Variants in WDR62 observed in about 807,000 individuals in gnomAD.
The protein encoded by WDR62 is WD repeat-containing protein 62.
In WDR62, 112 loss-of-function variants were observed where a neutral mutation model predicts 160.6. That is an observed-to-expected ratio of 0.70 (90% CI 0.60 to 0.82). The LOEUF (loss-of-function observed/expected upper bound fraction) is 0.82, where lower values mean the gene tolerates loss of function less well. Among genes scored for constraint, WDR62 ranks in the 40% least tolerant of loss-of-function variants. The pLI is 0.00. For synonymous variants in WDR62, 792 were observed against 815.1 expected, an observed-to-expected ratio of 0.97 and a Z score of 0.48; for missense variants, 1,819 against 1,983.8, an observed-to-expected ratio of 0.92 and a Z score of 1.58.
chr19:36,090,372 C>A, intron 15 of WDR62, 73 bp from the exon 16 acceptor site: 1 of 1,457,322 alleles, frequency 6.9e-7, no homozygotes, highest in Non-Finnish European at 9.6e-7. Flanking sequence ...GAGGGGAGGA[C>A]AGCAAGAGCC....
At chr19:36,090,638 T>C (rs1972539009) in intron 16 of WDR62, 118 bp downstream of exon 16, 9 of 926,962 alleles carry the variant, frequency 9.7e-6, no homozygotes, top group Non-Finnish European at 1.6e-5. Flanking sequence ...CCCAGCACCT[T>C]CTCAGGCCTG....
chr19:36,065,956 AG>A lies in WDR62; in HGVS notation c.333del. ...GTGATCAGCTCTTTTCTTTATCCCC[AG>A]GAAGTCTCTCAGTGCTCTGGCCTTC... On this transcript the variant is annotated splice_acceptor_variant, in intron 3 of 31. Transcript: ENST00000401500. LOFTEE classifies it high-confidence loss of function. 6.2e-7 allele frequency: 1 copy of A among 1,614,162 alleles called. No homozygotes were observed. Among genetic ancestry groups the A allele is most frequent in the South Asian group, 1.1e-5 (1 of 91,088 alleles).
Position 36,104,770 on chromosome 19 carries a change from G to C in WDR62, c.4314G>C (p.Leu1438Phe), listed in dbSNP as rs1225196974. 1.2e-6 allele frequency: 2 copies of C among 1,613,724 alleles called. No homozygotes were observed. Among genetic ancestry groups the C allele is most frequent in the Admixed American group, 3.3e-5 (2 of 60,032 alleles). ...FQEALDLYRV[L>F]VSSGQVDTGQ... ...GACAAGGCTGGCATCCCTTGCAGTT[G>C]GTCTCCAGTGGCCAGGTGGACACCG... is the stretch of plus-strand genomic sequence containing the variant. The change falls in exon 32 of 32, where the codon TTG (leucine) becomes TTC (phenylalanine). Residue 1438 changes from leucine (L) to phenylalanine (F), a missense_variant and splice_region_variant. Leu to Phe is a conservative substitution (Grantham distance 22). This residue lies in a region of WDR62 where 770 missense variants were observed against 734.2 expected (regional missense o/e 1.05). Transcript: ENST00000401500.
At chr19:36,109,825 G>A (rs112613012), downstream of WDR62, among the ~76,000 whole-genome samples, 20,681 of 148,380 alleles carry the variant, frequency 0.14, 1,720 homozygotes, top group Middle Eastern at 0.29. Context: ...AGGCTGAGCC[G>A]GGCGGATCAC....
chr19:36,068,126 A>C (rs1030375893), intron 7 of WDR62, 116 bp downstream of exon 7: 2 of 1,260,228 alleles, frequency 1.6e-6, no homozygotes, highest in Non-Finnish European at 2.3e-6. Flanking sequence ...GTGGTGAATG[A>C]CGCCCACTCT....
chr19:36,095,393 A>G (rs1167940198), intron 20 of WDR62, among the ~76,000 whole-genome samples: 1 of 152,090 alleles, frequency 6.6e-6, no homozygotes, highest in East Asian at 1.9e-4. Context: ...TGCTGTACCC[A>G]CTTCTGAGCC....
chr19:36,085,055 G>A (rs2145733067), intron 12 of WDR62, among the ~76,000 whole-genome samples: 2 of 152,266 alleles, frequency 1.3e-5, no homozygotes, highest in Middle Eastern at 3.4e-3. Flanking sequence ...TTTTCAAAAA[G>A]TTTGAAGCCT....
intron 7 of WDR62, chr19:36,070,231 TCAC>T (rs1487541302): frequency 6.7e-6 from 1 of 149,720 alleles, no homozygotes; most frequent in Non-Finnish European, 1.5e-5. Context: ...CAATCTCAGC[TCAC>T]TACAAGTTCC....
intron 7 of WDR62, among the ~76,000 whole-genome samples, chr19:36,069,880 C>T (rs1202643106): frequency 2.0e-5 from 3 of 152,052 alleles, no homozygotes; most frequent in Non-Finnish European, 4.4e-5. Flanking sequence ...CGCCTGCAAT[C>T]GCAGGCACTC....
chr19:36,056,162 T>G (rs1229715261), intron 1 of WDR62, among the ~76,000 whole-genome samples: 3 of 152,122 alleles, frequency 2.0e-5, no homozygotes, highest in Non-Finnish European at 4.4e-5. Flanking sequence ...TGAGACTCTG[T>G]CTCAAAATAA....
intron 7 of WDR62, among the ~76,000 whole-genome samples, chr19:36,069,614 C>G (rs1022094092): frequency 6.6e-6 from 1 of 152,260 alleles, no homozygotes; most frequent in South Asian, 2.1e-4. Context: ...GCTGCAATCT[C>G]GGCACTTTGG....
intron 9 of WDR62, among the ~76,000 whole-genome samples, chr19:36,079,450 C>T (rs900000711): frequency 2.0e-5 from 3 of 152,166 alleles, no homozygotes; most frequent in Admixed American, 6.5e-5. Context: ...TCTCTTCTTT[C>T]GTCTCAATCT....
chr19:36,086,659 G>A (rs1383851539), intron 12 of WDR62, 28 bp from the exon 13 acceptor site: 1 of 1,587,278 alleles, frequency 6.3e-7, no homozygotes, highest in Admixed American at 1.8e-5. Context: ...CAGCCTTCAG[G>A]AACCAGTCTC....
chr19:36,086,217 C>T (rs1972221534), intron 12 of WDR62, among the ~76,000 whole-genome samples: 1 of 152,102 alleles, frequency 6.6e-6, no homozygotes, highest in African/African-American at 2.4e-5. Context: ...TCAGACATAG[C>T]AAGTGACCAG....
downstream of WDR62, among the ~76,000 whole-genome samples, chr19:36,106,060 G>A (rs1484726534): frequency 6.6e-6 from 1 of 152,228 alleles, no homozygotes; most frequent in African/African-American, 2.4e-5. Flanking sequence ...CTTGCCCACT[G>A]TATGATCCTG....
intron 1 of WDR62, among the ~76,000 whole-genome samples, chr19:36,055,884 A>G (rs370321486): frequency 1.3e-5 from 2 of 152,164 alleles, no homozygotes; most frequent in African/African-American, 4.8e-5. Context: ...GAACCATACT[A>G]CTGGTAGGGC....
At chr19:36,069,614 C>T (rs1022094092) in intron 7 of WDR62, among the ~76,000 whole-genome samples, 47 of 152,378 alleles carry the variant, frequency 3.1e-4, no homozygotes, top group African/African-American at 9.4e-4. Flanking sequence ...GCTGCAATCT[C>T]GGCACTTTGG....
At chr19:36,092,235 T>C (rs1483560231) in intron 18 of WDR62, among the ~76,000 whole-genome samples, 1 of 149,046 alleles carries the variant, frequency 6.7e-6, no homozygotes, top group Non-Finnish European at 1.5e-5. Context: ...GACCTGAACC[T>C]GGGAGGTAGA....
chr19:36,055,269 C>A, intron 1 of WDR62, 121 bp downstream of exon 1: 2 of 1,084,816 alleles, frequency 1.8e-6, no homozygotes, highest in Non-Finnish European at 2.7e-6. Flanking sequence ...TGTTCCCTGC[C>A]ATGCCTCGTC....
Sources: gnomAD v4.1 joint callset for allele counts (sites outside exome capture counted in the v4.1 genomes callset) on GRCh38, gnomAD v4.1.1 for gene constraint, gnomAD v4.1.1 regional missense constraint, MANE v1.5 for transcripts, NCBI Gene and HGNC (gene_info 2026-07-23, HGNC 2026-07-21) for gene names.